Variants in MAP4K5 observed in about 807,000 individuals in gnomAD.
MAP4K5 encodes MAPK/ERK kinase kinase kinase 5.
Under a neutral mutation model 135.6 loss-of-function variants are expected in MAP4K5, and 82 were observed. The observed-to-expected ratio is 0.60, with a 90% CI of 0.51 to 0.73. The LOEUF (loss-of-function observed/expected upper bound fraction) is 0.73, where lower values mean the gene tolerates loss of function less well. Among genes scored for constraint, MAP4K5 ranks in the 30% least tolerant of loss-of-function variants. The pLI is 0.00. For missense variants in MAP4K5, 907 were observed against 1,010.9 expected, an observed-to-expected ratio of 0.90 and a Z score of 1.39; for synonymous variants, 347 against 335.0, an observed-to-expected ratio of 1.04 and a Z score of -0.39.
rs1420777317 is a variant in MAP4K5 at position 50,420,119 on chromosome 14, C to A, written c.2454-13G>T. On this transcript the variant is annotated splice_polypyrimidine_tract_variant and intron_variant, in intron 32 of 32. Transcript: ENST00000682126. The stretch of plus-strand genomic sequence containing the variant: ...CAAAACGACAACCCTGTAATTAAAC[C>A]AAAACAAAGGGCTTAAGAGTAACTA... The A allele has an allele frequency of 3.3e-6, 5 of 1,524,662 alleles. No individual in the cohort carries two copies. The highest frequency in any genetic ancestry group is 3.6e-6 in the Non-Finnish European group (4 of 1,103,628). 94.4% of individuals were successfully genotyped at this position (1,524,662 alleles called of 1,614,324 possible). A position where few individuals can be genotyped will look rare whatever the true frequency, so the allele number is the denominator to read the frequency against.
Position 50,445,182 on chromosome 14 carries a change from T to C in MAP4K5, c.1198A>G (p.Ser400Gly), listed in dbSNP as rs1430761030. 22 of 1,613,268 alleles carry C rather than the reference T, an allele frequency of 1.4e-5. No individual in the cohort carries two copies. Among genetic ancestry groups the C allele is most frequent in the East Asian group, 8.9e-5 (4 of 44,826 alleles). ...TCCGGAAAGTTGTCTTCAGGGTAAC[T>C]GCTTATCCTTGGCTAGTGGTACAAA... ...PPLPPKPRIS[S>G]YPEDNFPDEE... The change falls in exon 18 of 33, where the codon AGT becomes GGT. Residue 400 changes from serine to glycine, a missense_variant. Coordinates refer to ENST00000682126, the MANE Select transcript of MAP4K5 (RefSeq NM_006575.6).
chr14:50,485,564 C>T lies in MAP4K5; in HGVS notation c.322+14G>A, dbSNP rs2037345693. On this transcript the variant is annotated intron_variant, in intron 5 of 32. Transcript: ENST00000682126. The stretch of plus-strand genomic sequence containing the variant: ...CCAAAGTCTGTTTAAAATGTAAAGT[C>T]AAATTAACAGTACCATGGTAAATAT... 3 of 1,493,360 alleles carry T rather than the reference C, an allele frequency of 2.0e-6. No individual in the cohort carries two copies. Among genetic ancestry groups the T allele is most frequent in the Non-Finnish European group, 1.8e-6 (2 of 1,099,872 alleles). 92.5% of individuals were successfully genotyped at this position (1,493,360 alleles called of 1,614,324 possible). A position where few individuals can be genotyped will look rare whatever the true frequency, so the allele number is the denominator to read the frequency against.
At chr14:50,421,083 CA>C (rs1311445140) in intron 32 of MAP4K5, among the ~76,000 whole-genome samples, 1 of 151,900 alleles carries the variant, frequency 6.6e-6, no homozygotes, top group Non-Finnish European at 1.5e-5. Flanking sequence ...ATAATGAAAA[CA>C]TTTTTTAAAA....
At chr14:50,520,478 G>A (rs563655119) in intron 2 of MAP4K5, among the ~76,000 whole-genome samples, 20 of 152,264 alleles carry the variant, frequency 1.3e-4, no homozygotes, top group African/African-American at 4.3e-4. Flanking sequence ...TCCAGCCTGG[G>A]CGACAGAGCA....
At chr14:50,548,954 G>A (rs34760140) in intron 1 of MAP4K5, among the ~76,000 whole-genome samples, 11,506 of 152,220 alleles carry the variant, frequency 0.076, 573 homozygotes, top group Non-Finnish European at 0.11. Flanking sequence ...CCCATAAAAG[G>A]TGGGTGGAAG....
At chr14:50,459,523 T>C (rs1403218118) in intron 13 of MAP4K5, among the ~76,000 whole-genome samples, 1 of 152,162 alleles carries the variant, frequency 6.6e-6, no homozygotes. Flanking sequence ...CTTTAAAAAA[T>C]GCACATTTTG....
chr14:50,479,149 C>T (rs906231286), intron 6 of MAP4K5, among the ~76,000 whole-genome samples: 2 of 149,886 alleles, frequency 1.3e-5, no homozygotes, highest in Admixed American at 6.7e-5. Context: ...TTTTCTCTTT[C>T]GTTTCCCTTT....
At chr14:50,470,814 T>C (rs1179459879) in intron 9 of MAP4K5, among the ~76,000 whole-genome samples, 5 of 152,150 alleles carry the variant, frequency 3.3e-5, no homozygotes, top group African/African-American at 4.8e-5. Context: ...CTTCCTGTTG[T>C]GTATTATTTT....
rs982935186 is a variant in MAP4K5, at chr14:50,443,839, A to G, written c.1438-69T>C. The G allele has an allele frequency of 2.7e-6, 4 of 1,500,706 alleles. No homozygotes were observed. The Admixed American group carries it at 7.9e-5, about 30-fold the overall frequency. 93.0% of individuals were successfully genotyped at this position (1,500,706 alleles called of 1,614,324 possible). A position where few individuals can be genotyped will look rare whatever the true frequency, so the allele number is the denominator to read the frequency against. On this transcript the variant is annotated intron_variant, in intron 19 of 32. Coordinates refer to ENST00000682126, the MANE Select transcript of MAP4K5 (RefSeq NM_006575.6). ...TTAAAAAGAAACTTGAGACATTTAG[A>G]ACTTCTGTTACTTGAATTACTGAAT...
chr14:50,544,535 A>C (rs2038603841), intron 1 of MAP4K5, among the ~76,000 whole-genome samples: 1 of 152,210 alleles, frequency 6.6e-6, no homozygotes, highest in South Asian at 2.1e-4. Context: ...AACAGGGTAC[A>C]CAAGACACAG....
At chr14:50,450,954 A>T (rs1396922029) in intron 14 of MAP4K5, among the ~76,000 whole-genome samples, 2 of 152,206 alleles carry the variant, frequency 1.3e-5, no homozygotes, top group African/African-American at 4.8e-5. Flanking sequence ...GTAAAACCAG[A>T]CCCAGAGGTG....
At chr14:50,511,169 A>C (rs905019081) in intron 2 of MAP4K5, among the ~76,000 whole-genome samples, 2 of 152,228 alleles carry the variant, frequency 1.3e-5, no homozygotes, top group Admixed American at 1.3e-4. Context: ...GGTGTCCAAC[A>C]ATGATAAATA....
rs558981361 is a variant in MAP4K5 at position 50,548,900 on chromosome 14, G to A, written c.-179-6316C>T. On this transcript the variant is annotated intron_variant, in intron 1 of 8. Transcript: ENST00000555216. ...GTATAGGGCATTGCAACAAGCAGAG[G>A]CCATCACCACCAGAAAGCAGACCAC... Among the ~76,000 whole-genome samples, 26 of 152,184 alleles carry A rather than the reference G, an allele frequency of 1.7e-4. No individual in the cohort carries two copies. The East Asian group carries it at 5.0e-3, about 29-fold the overall frequency.
chr14:50,473,687 GAT>G, intron 9 of MAP4K5, among the ~76,000 whole-genome samples: 1 of 147,250 alleles, frequency 6.8e-6, no homozygotes, highest in African/African-American at 2.5e-5. Context: ...TCTTAAAGCA[GAT>G]AGTTACTGAT....
At chr14:50,516,188 A>T (rs2038029503) in intron 2 of MAP4K5, among the ~76,000 whole-genome samples, 1 of 152,228 alleles carries the variant, frequency 6.6e-6, no homozygotes, top group Admixed American at 6.5e-5. Context: ...GAACTGGTAA[A>T]CTATCTGTGA....
chr14:50,517,299 G>A (rs568247980), intron 2 of MAP4K5, among the ~76,000 whole-genome samples: 6 of 151,618 alleles, frequency 4.0e-5, no homozygotes. Context: ...GTACAGGCAC[G>A]TGCCACCACG....
chr14:50,451,258 G>GA (rs373881312), intron 14 of MAP4K5, among the ~76,000 whole-genome samples: 4,186 of 146,580 alleles, frequency 0.029, 72 homozygotes, highest in East Asian at 0.068. Flanking sequence ...GTACAGTGAA[G>GA]AAAAAAAAAA....
At chr14:50,486,759 C>T (rs1176682721) in intron 3 of MAP4K5, among the ~76,000 whole-genome samples, 2 of 151,970 alleles carry the variant, frequency 1.3e-5, no homozygotes, top group Admixed American at 6.6e-5. Flanking sequence ...GGTGAGACCC[C>T]GTTTCTACTA....
rs1200016363 is a variant in MAP4K5, at chr14:50,532,088, G to T, written c.-39C>A. 7.7e-7 allele frequency: 1 copy of T among 1,305,308 alleles called. No individual in the cohort carries two copies. The allele number at this position is 1,305,308 out of a possible 1,614,324, so 80.9% of individuals were successfully genotyped here. A position where few individuals can be genotyped will look rare whatever the true frequency, so the allele number is the denominator to read the frequency against. On this transcript the variant is annotated 5_prime_UTR_variant, in exon 2 of 33. Coordinates refer to ENST00000682126, the MANE Select transcript of MAP4K5 (RefSeq NM_006575.6). ...CCGGCCCCCGCCAGCTCACCCCGCG[G>T]CTCCCGGATTCCCGCTAACAAGCAC... is the stretch of plus-strand genomic sequence containing the variant.
Sources: gnomAD v4.1 joint callset for allele counts (sites outside exome capture counted in the v4.1 genomes callset) on GRCh38, gnomAD v4.1.1 for gene constraint, MANE v1.5 for transcripts, NCBI Gene and HGNC (gene_info 2026-07-23, HGNC 2026-07-21) for gene names.